The following ASIC2 variants were observed in gnomAD, a reference collection of about 807,000 sequenced individuals.
ASIC2 encodes acid sensing ion channel subunit 2.
A neutral mutation model predicts 57.3 loss-of-function variants in ASIC2; 25 were observed. The ratio of observed to expected loss-of-function variants is 0.44; its 90% confidence interval spans 0.32 to 0.61. The LOEUF (loss-of-function observed/expected upper bound fraction) is 0.61, where lower values mean the gene tolerates loss of function less well. ASIC2 is among the 20% of genes least tolerant of loss of function. The probability of loss-of-function intolerance (pLI) is 0.06; values close to 1 mark genes in which losing one functional copy is unlikely to be tolerated. For synonymous variants in ASIC2, 319 were observed against 307.5 expected (o/e 1.04, Z -0.39); for missense variants, 641 against 738.1 (o/e 0.87, Z 1.52).
At chr17:33,407,601 C>A (rs1240377195) in intron 1 of ASIC2, among the ~76,000 whole-genome samples, 2 of 152,222 alleles carry the variant, frequency 1.3e-5, no homozygotes, top group East Asian at 1.9e-4. Flanking sequence ...AGGAAAAGTT[C>A]TATAGGATCC....
At chr17:33,691,822 CATGT>C (rs904262976) in intron 1 of ASIC2, among the ~76,000 whole-genome samples, 1 of 151,988 alleles carries the variant, frequency 6.6e-6, no homozygotes, top group African/African-American at 2.4e-5. Flanking sequence ...TATATGCATG[CATGT>C]GTGTGTGTGT....
rs555223979 is a variant in ASIC2 at position 33,819,987 on chromosome 17, C to T, written c.555+335991G>A. ...CCTCTGAATTCCCTTTGCTGCCTAC[C>T]TCAAGGAGCTGAAAATCTGAGACTC... On this transcript the variant is annotated intron_variant, in intron 1 of 9. Coordinates refer to the ASIC2 transcript ENST00000359872. Among the ~76,000 whole-genome samples, 61 of 152,212 alleles carry T rather than the reference C, an allele frequency of 4.0e-4. 1 individual carries two copies. In the South Asian group the frequency reaches 0.012, roughly 30 times the overall value.
rs551217443 is a variant in ASIC2 at position 33,318,507 on chromosome 17, C to T, written c.556-206440G>A. On this transcript the variant is annotated intron_variant, in intron 1 of 9. Transcript: ENST00000359872. ...GCTGCCCTCCCTCGTTTGGGTGACACACCACAATTGCACAGCCAAATAGTT... is the reference window on the plus strand; with the variant it reads ...GCTGCCCTCCCTCGTTTGGGTGACATACCACAATTGCACAGCCAAATAGTT... Among the ~76,000 whole-genome samples the T allele has an allele frequency of 1.1e-4, 16 of 152,318 alleles. No homozygotes were observed. The South Asian group carries it at 3.3e-3, about 32-fold the overall frequency.
At chr17:33,227,907 C>T (rs563197484) in intron 1 of ASIC2, among the ~76,000 whole-genome samples, 33 of 152,138 alleles carry the variant, frequency 2.2e-4, no homozygotes, top group Admixed American at 9.8e-4. Context: ...TGTGACTCTC[C>T]GGGAACTAGG....
intron 1 of ASIC2, among the ~76,000 whole-genome samples, chr17:33,680,036 T>C (rs984691677): frequency 3.9e-5 from 6 of 151,924 alleles, no homozygotes; most frequent in African/African-American, 1.5e-4. Flanking sequence ...GATAGGGCTG[T>C]GTTATTGATT....
At chr17:33,114,133 T>C (rs1467396883) in intron 1 of ASIC2, among the ~76,000 whole-genome samples, 1 of 152,258 alleles carries the variant, frequency 6.6e-6, no homozygotes, top group African/African-American at 2.4e-5. Context: ...TCTGAGTCCC[T>C]GGCCAGCTGC....
chr17:33,570,625 T>C (rs1916402887), intron 1 of ASIC2, among the ~76,000 whole-genome samples: 1 of 152,224 alleles, frequency 6.6e-6, no homozygotes, highest in African/African-American at 2.4e-5. Flanking sequence ...TTTAGTTACT[T>C]CTTGCTGTGT....
At chr17:34,092,019 G>T (rs1487035227) in intron 1 of ASIC2, among the ~76,000 whole-genome samples, 3 of 152,008 alleles carry the variant, frequency 2.0e-5, no homozygotes, top group African/African-American at 4.8e-5. Context: ...AAGCAGCTCA[G>T]CGATATACTG....
chr17:33,489,010 G>A (rs1388790658), intron 1 of ASIC2, among the ~76,000 whole-genome samples: 1 of 152,072 alleles, frequency 6.6e-6, no homozygotes, highest in African/African-American at 2.4e-5. Flanking sequence ...CTAGGCCACT[G>A]TGTCTTCAAT....
At chr17:33,870,375 G>T (rs982533235) in intron 1 of ASIC2, among the ~76,000 whole-genome samples, 2 of 147,192 alleles carry the variant, frequency 1.4e-5, no homozygotes, top group African/African-American at 4.9e-5. Flanking sequence ...AAAGTGCTTA[G>T]ACAAAAATAA....
At chr17:34,111,383 A>G (rs185368869) in intron 1 of ASIC2, among the ~76,000 whole-genome samples, 132 of 151,108 alleles carry the variant, frequency 8.7e-4, no homozygotes, top group Non-Finnish European at 1.7e-3. Context: ...TCTGTGGCAA[A>G]ACAGTACTTT....
chr17:34,127,216 C>T (rs1044296581), intron 1 of ASIC2, among the ~76,000 whole-genome samples: 3 of 152,248 alleles, frequency 2.0e-5, no homozygotes, highest in East Asian at 1.9e-4. Context: ...GTATGAGCAT[C>T]GGGGCTTTTC....
At chr17:33,256,895 G>A (rs1225553365) in intron 1 of ASIC2, among the ~76,000 whole-genome samples, 1 of 152,172 alleles carries the variant, frequency 6.6e-6, no homozygotes, top group Non-Finnish European at 1.5e-5. Context: ...GAATATGGGA[G>A]GAGGCCATTT....
intron 1 of ASIC2, among the ~76,000 whole-genome samples, chr17:33,986,751 A>G (rs988628712): frequency 1.3e-5 from 2 of 152,254 alleles, no homozygotes; most frequent in Admixed American, 6.5e-5. Flanking sequence ...CTTTGAGGTG[A>G]GTCTTAATCC....
At chr17:33,240,829 C>G (rs146680136) in intron 1 of ASIC2, among the ~76,000 whole-genome samples, 2 of 152,284 alleles carry the variant, frequency 1.3e-5, no homozygotes, top group African/African-American at 4.8e-5. Flanking sequence ...TCCCTGTCCT[C>G]TCCATAGCCA....
chr17:33,572,162 GTGACCTC>G (rs1424226010), intron 1 of ASIC2: 1 of 152,246 alleles, frequency 6.6e-6, no homozygotes, highest in Non-Finnish European at 1.5e-5. Flanking sequence ...GAGGCCACTT[GTGACCTC>G]TATTGAATGT....
At chr17:33,419,867 AG>A (rs1910984908) in intron 1 of ASIC2, among the ~76,000 whole-genome samples, 1 of 152,298 alleles carries the variant, frequency 6.6e-6, no homozygotes, top group South Asian at 2.1e-4. Flanking sequence ...AGACATATTA[AG>A]GAAAAAAAAA....
In ASIC2 at chr17:33,854,527, T is replaced by G. The variant is rs534518846; in HGVS notation, c.555+301451A>C. On this transcript the variant is annotated intron_variant, in intron 1 of 9. Coordinates refer to the ASIC2 transcript ENST00000359872. ...TGCTTGGAACATGTGCATATTTGCA[T>G]GTCTCTGCTCTGGCTATAATGGGGT... Among the ~76,000 whole-genome samples, 10 of 152,368 alleles carry G rather than the reference T, an allele frequency of 6.6e-5. No individual in the cohort carries two copies. In the East Asian group the frequency reaches 1.9e-3, roughly 29 times the overall value.
At chr17:33,202,090 C>A (rs1306698954) in intron 1 of ASIC2, among the ~76,000 whole-genome samples, 1 of 151,682 alleles carries the variant, frequency 6.6e-6, no homozygotes, top group African/African-American at 2.4e-5. Context: ...TACTGGCTTG[C>A]CCTTGATTCC....
Sources: gnomAD v4.1 joint callset for allele counts (sites outside exome capture counted in the v4.1 genomes callset) on GRCh38, gnomAD v4.1.1 for gene constraint, MANE v1.5 for transcripts, NCBI Gene and HGNC (gene_info 2026-07-23, HGNC 2026-07-21) for gene names.